Variants in ATP7B observed in about 807,000 individuals in gnomAD.
ATP7B encodes copper-transporting ATPase 2.
A neutral mutation model predicts 118.9 loss-of-function variants in ATP7B; 113 were observed. The ratio of observed to expected loss-of-function variants is 0.95; its 90% CI spans 0.82 to 1.11. The LOEUF is 1.11. Among genes scored for constraint, ATP7B ranks in the 50% most tolerant of loss-of-function variants. The pLI, the probability that ATP7B is intolerant of heterozygous loss-of-function variation, is 0.00. For missense variants in ATP7B, 1,867 were observed against 1,871.4 expected (o/e 1.00, Z 0.04); for synonymous variants, 777 against 727.4 (o/e 1.07, Z -1.10).
chr13:51,986,547 C>T (rs181420245), intron 1 of ATP7B, among the ~76,000 whole-genome samples: 70 of 152,278 alleles, frequency 4.6e-4, no homozygotes, highest in African/African-American at 1.7e-3. Context: ...AAGAGGGACT[C>T]CTCCCTAACT....
In ATP7B at chr13:51,970,472, CA is replaced by C. The variant is rs1350525627; in HGVS notation, c.1543+19del. 1.9e-6 allele frequency: 3 copies of C among 1,614,148 alleles called. No individual in the cohort carries two copies. Among genetic ancestry groups the C allele is most frequent in the Non-Finnish European group, 2.5e-6 (3 of 1,180,010 alleles). ...CTATACGCAGCATTCCTAAGTTCAA[CA>C]TGGGCGTTCATCTCTTACCAGCTTC... On this transcript the variant is annotated intron_variant, in intron 3 of 20. Coordinates refer to ENST00000242839, the MANE Select transcript of ATP7B (RefSeq NM_000053.4).
intron 5 of ATP7B, among the ~76,000 whole-genome samples, chr13:51,963,807 T>G (rs1398257859): frequency 6.6e-6 from 1 of 150,732 alleles, no homozygotes; most frequent in African/African-American, 2.4e-5. Flanking sequence ...CCTAGCACTT[T>G]GGGAAGCCCA....
intron 1 of ATP7B, among the ~76,000 whole-genome samples, chr13:52,000,342 A>G (rs1321153589): frequency 6.6e-6 from 1 of 152,216 alleles, no homozygotes. Context: ...GCAGAAGAGC[A>G]AAGTGGCTCC....
At chr13:51,954,514 G>A (rs547073970) in intron 9 of ATP7B, among the ~76,000 whole-genome samples, 6 of 152,318 alleles carry the variant, frequency 3.9e-5, no homozygotes, top group South Asian at 2.1e-4. Context: ...AGACAGCTGC[G>A]GTGTTTTAGG....
At chr13:51,987,967 A>C (rs1232634671) in intron 1 of ATP7B, among the ~76,000 whole-genome samples, 2 of 152,160 alleles carry the variant, frequency 1.3e-5, no homozygotes, top group African/African-American at 4.8e-5. Flanking sequence ...AGAAGAAAAC[A>C]TAGGCAGTAC....
At chr13:51,951,499 T>A (rs773027634) in intron 9 of ATP7B, among the ~76,000 whole-genome samples, 1 of 151,562 alleles carries the variant, frequency 6.6e-6, no homozygotes, top group Admixed American at 6.6e-5. Context: ...AAAGAAGAGG[T>A]CAGAGGTAGA....
chr13:51,946,573 C>T (rs1957677099), intron 12 of ATP7B, 95 bp from the exon 13 acceptor site: 3 of 1,410,652 alleles, frequency 2.1e-6, no homozygotes, highest in African/African-American at 2.8e-5. Context: ...GGGCACTGGA[C>T]ACAACGTGAC....
At chr13:51,968,963 T>C (rs545709302) in intron 3 of ATP7B, among the ~76,000 whole-genome samples, 102 of 150,128 alleles carry the variant, frequency 6.8e-4, no homozygotes, top group African/African-American at 2.4e-3. Flanking sequence ...AGGGTTCAAG[T>C]GATTCTCCTG....
At position 51,965,482 on chromosome 13, in the gene ATP7B, C is replaced by T. The variant is rs368620890; in HGVS notation, c.1708-449G>A. Among the ~76,000 whole-genome samples, 29 of 152,298 alleles carry T rather than the reference C, an allele frequency of 1.9e-4. No homozygotes were observed. In the East Asian group the frequency reaches 5.2e-3, roughly 27 times the overall value. ...GCGGTCTGCAGCTGCTGCTAGCATC[C>T]TCCCTATTTTAGTGCTCTGCTGGCT... On this transcript the variant is annotated intron_variant, in intron 4 of 20. Transcript: ENST00000242839.
intron 1 of ATP7B, among the ~76,000 whole-genome samples, chr13:51,982,743 C>T (rs182247676): frequency 2.6e-5 from 4 of 152,302 alleles, no homozygotes; most frequent in Admixed American, 6.5e-5. Context: ...GGTTAAACAG[C>T]GGGTACAGCC....
chr13:51,942,621 A>C, intron 14 of ATP7B, 67 bp from the exon 15 acceptor site: 1 of 1,589,500 alleles, frequency 6.3e-7, no homozygotes, highest in Non-Finnish European at 8.6e-7. Flanking sequence ...AGGGAGGGGC[A>C]GGCAGGACAG....
At chr13:51,962,515 G>A (rs935632258) in intron 5 of ATP7B, among the ~76,000 whole-genome samples, 2 of 152,176 alleles carry the variant, frequency 1.3e-5, no homozygotes, top group African/African-American at 4.8e-5. Flanking sequence ...AAACTGCCAC[G>A]AATGCTCTTG....
intron 3 of ATP7B, 63 bp from the exon 4 acceptor site, chr13:51,968,670 C>A: frequency 1.3e-6 from 2 of 1,567,272 alleles, no homozygotes; most frequent in South Asian, 1.1e-5. Context: ...TTGACACAGT[C>A]AATATAACCG....
chr13:52,011,575 C>G (rs886952539), upstream of ATP7B: 4 of 620,214 alleles, frequency 6.4e-6, no homozygotes, highest in African/African-American at 7.2e-5. Context: ...GTCCTCCCGA[C>G]CTGGGGGCAC....
At chr13:51,970,073 C>T (rs1002971641) in intron 3 of ATP7B, among the ~76,000 whole-genome samples, 1 of 152,146 alleles carries the variant, frequency 6.6e-6, no homozygotes, top group Non-Finnish European at 1.5e-5. Context: ...GTTGTTCCTA[C>T]AAACACTCTC....
chr13:51,941,879 A>AGT (rs1484694628), intron 15 of ATP7B, among the ~76,000 whole-genome samples: 1 of 152,126 alleles, frequency 6.6e-6, no homozygotes. Context: ...ACAGATTTTG[A>AGT]GTGTTTTCCA....
chr13:51,978,010 T>C (rs777041506), intron 1 of ATP7B, among the ~76,000 whole-genome samples: 11 of 152,060 alleles, frequency 7.2e-5, no homozygotes, highest in Non-Finnish European at 1.6e-4. Flanking sequence ...AAGATTAACA[T>C]GTAAAAAAGA....
intron 1 of ATP7B, among the ~76,000 whole-genome samples, chr13:51,981,493 TC>T (rs1952416926): frequency 6.6e-6 from 1 of 152,278 alleles, no homozygotes; most frequent in African/African-American, 2.4e-5. Flanking sequence ...ACCACGTACA[TC>T]CTGAATATCT....
chr13:51,992,709 G>A (rs1156743059), intron 1 of ATP7B, among the ~76,000 whole-genome samples: 1 of 152,140 alleles, frequency 6.6e-6, no homozygotes, highest in African/African-American at 2.4e-5. Context: ...CAGGCAGGGT[G>A]GTTCACGCCT....
Sources: gnomAD v4.1 joint callset for allele counts (sites outside exome capture counted in the v4.1 genomes callset) on GRCh38, gnomAD v4.1.1 for gene constraint, MANE v1.5 for transcripts, NCBI Gene and HGNC (gene_info 2026-07-23, HGNC 2026-07-21) for gene names.